PRKN: variants seen among roughly 807,000 people sequenced by gnomAD.
The protein encoded by PRKN is parkin RBR E3 ubiquitin protein ligase.
Under a neutral mutation model 59.5 loss-of-function variants are expected in PRKN, and 56 were observed. The observed-to-expected ratio is 0.94, with a 90% CI of 0.76 to 1.18. PRKN has a LOEUF of 1.18. Ranked by LOEUF, PRKN falls within the 50% of genes most tolerant of loss-of-function variation. The probability of loss-of-function intolerance (pLI) is 0.00; values close to 1 mark genes in which losing one functional copy is unlikely to be tolerated. For synonymous variants in PRKN, 250 were observed against 222.1 expected (o/e 1.13, Z -1.12); for missense variants, 657 against 596.4 (o/e 1.10, Z -1.06).
chr6:162,651,879 A>G (rs1393248152), intron 1 of PRKN, among the ~76,000 whole-genome samples: 7 of 152,210 alleles, frequency 4.6e-5, no homozygotes, highest in African/African-American at 1.4e-4. Context: ...ATTAATTGTT[A>G]TAAGTAGATA....
chr6:162,214,117 C>T (rs1000511545), intron 3 of PRKN, among the ~76,000 whole-genome samples: 3 of 152,074 alleles, frequency 2.0e-5, no homozygotes, highest in African/African-American at 4.8e-5. Context: ...CACACACGAA[C>T]ACCAAGGTGC....
intron 3 of PRKN, among the ~76,000 whole-genome samples, chr6:162,205,925 C>T (rs924168889): frequency 1.3e-5 from 2 of 152,158 alleles, no homozygotes; most frequent in Non-Finnish European, 2.9e-5. Flanking sequence ...AGAATAAAAA[C>T]CACTGGTGTG....
At chr6:162,568,942 A>T in intron 1 of PRKN, 1 of 666,368 alleles carries the variant, frequency 1.5e-6, no homozygotes, top group Non-Finnish European at 2.7e-6. Context: ...GTAGAGCTGT[A>T]GTCTCAGCTG....
At chr6:162,376,389 G>A (rs1477775711) in intron 2 of PRKN, among the ~76,000 whole-genome samples, 6 of 152,010 alleles carry the variant, frequency 3.9e-5, no homozygotes, top group Non-Finnish European at 7.4e-5. Context: ...GGATCCTTAT[G>A]TTTGTGGGGT....
intron 7 of PRKN, among the ~76,000 whole-genome samples, chr6:161,650,195 G>A (rs796760873): frequency 4.9e-4 from 75 of 152,268 alleles, no homozygotes; most frequent in African/African-American, 1.8e-3. Flanking sequence ...GAGTCCACGA[G>A]CATAATGCAA....
chr6:162,632,394 A>T (rs1001284542), intron 1 of PRKN, among the ~76,000 whole-genome samples: 2 of 152,226 alleles, frequency 1.3e-5, no homozygotes, highest in Non-Finnish European at 2.9e-5. Context: ...TCCTAAATGA[A>T]TTAATACAGG....
intron 2 of PRKN, among the ~76,000 whole-genome samples, chr6:162,431,333 A>AG (rs1430814560): frequency 6.6e-6 from 1 of 152,214 alleles, no homozygotes; most frequent in African/African-American, 2.4e-5. Flanking sequence ...AAACTTAAGG[A>AG]GGGGCCAATG....
chr6:162,076,135 A>C (rs1171370927), intron 4 of PRKN, among the ~76,000 whole-genome samples: 1 of 151,864 alleles, frequency 6.6e-6, no homozygotes, highest in Non-Finnish European at 1.5e-5. Context: ...CACCCAGCTA[A>C]TTTTTGTATT....
intron 4 of PRKN, among the ~76,000 whole-genome samples, chr6:162,055,726 C>T (rs940063989): frequency 2.0e-5 from 3 of 152,090 alleles, no homozygotes; most frequent in Non-Finnish European, 4.4e-5. Context: ...TTACTACCGA[C>T]GACGTTTGGA....
intron 2 of PRKN, among the ~76,000 whole-genome samples, chr6:162,272,223 G>A (rs898751212): frequency 5.3e-5 from 8 of 152,096 alleles, no homozygotes; most frequent in South Asian, 2.1e-4. Flanking sequence ...ATGTAGGGTC[G>A]GGATTTCACT....
rs187524160 is a variant in PRKN at position 162,622,991 on chromosome 6, A to G, written c.7+104671T>C. Among the ~76,000 whole-genome samples the G allele has an allele frequency of 2.0e-4, 31 of 152,332 alleles. No homozygotes were observed. The East Asian group carries it at 4.8e-3, about 24-fold the overall frequency. The stretch of plus-strand genomic sequence containing the variant: ...TCAGAGAAACAAAACAAAACAGAAA[A>G]CAAAAACAAACAAAAAAAACCTTTT... On this transcript the variant is annotated intron_variant, in intron 1 of 11. Coordinates refer to ENST00000366898, the MANE Select transcript of PRKN (RefSeq NM_004562.3).
At chr6:161,724,431 T>C (rs1231415568) in intron 7 of PRKN, among the ~76,000 whole-genome samples, 1 of 152,218 alleles carries the variant, frequency 6.6e-6, no homozygotes, top group Non-Finnish European at 1.5e-5. Flanking sequence ...CTTTCAGGAA[T>C]TGCTTCTCTC....
Position 162,360,605 on chromosome 6 carries a change from C to A in PRKN, c.171+82705G>T, listed in dbSNP as rs558930291. On this transcript the variant is annotated intron_variant, in intron 2 of 11. Transcript: ENST00000366898. ...GTTCTTTAAAAAACAAACAAAAAAA[C>A]CAAAAAACAAAAAACCTACAAACAC... Among the ~76,000 whole-genome samples the A allele has an allele frequency of 6.6e-5, 10 of 152,026 alleles. 1 individual carries two copies. Among genetic ancestry groups the A allele is most frequent in the South Asian group, 4.2e-4 (2 of 4,806 alleles).
At chr6:162,342,643 A>G (rs574123867) in intron 2 of PRKN, among the ~76,000 whole-genome samples, 30 of 152,248 alleles carry the variant, frequency 2.0e-4, no homozygotes, top group African/African-American at 7.0e-4. Context: ...TAGGGAGGGA[A>G]GAATCATTTA....
At chr6:162,634,009 C>A (rs1291207514) in intron 1 of PRKN, among the ~76,000 whole-genome samples, 2 of 152,128 alleles carry the variant, frequency 1.3e-5, no homozygotes, top group Admixed American at 6.6e-5. Context: ...ACCACACGGT[C>A]TTGTGTCAAC....
At chr6:161,596,813 G>C (rs1466616534) in intron 7 of PRKN, among the ~76,000 whole-genome samples, 1 of 152,156 alleles carries the variant, frequency 6.6e-6, no homozygotes, top group East Asian at 1.9e-4. Context: ...CTACACAATA[G>C]TTCTCTACCT....
Position 161,548,979 on chromosome 6 carries a change from C to T in PRKN, c.958G>A (p.Ala320Thr), listed in dbSNP as rs1583215602. 1 of 1,614,214 alleles carries T rather than the reference C, an allele frequency of 6.2e-7. No homozygotes were observed. Among genetic ancestry groups the T allele is most frequent in the Non-Finnish European group, 8.5e-7 (1 of 1,180,032 alleles). The stretch of plus-strand genomic sequence containing the variant: ...CCCATCTGCAGGACACACTCCTCTG[C>T]ACCATACTGCTGGTACCGGTTGTAC... ...EQYNRYQQYG[A>T]EECVLQMGGV... The change falls in exon 9 of 12, where the codon GCA becomes ACA. Residue 320 changes from alanine to threonine, a missense_variant. By Grantham distance (58) the Ala-to-Thr change is moderately conservative (BLOSUM62 0). Transcript: ENST00000366898. This position sits in a 1 kb window ranked among gnomAD's most constrained non-coding sequence, Gnocchi z 4.2.
At chr6:162,613,343 A>C (rs1782269735) in intron 1 of PRKN, among the ~76,000 whole-genome samples, 1 of 152,244 alleles carries the variant, frequency 6.6e-6, no homozygotes, top group Non-Finnish European at 1.5e-5. Context: ...TTTTAATTTA[A>C]GGGAATTTGT....
chr6:161,367,949 C>G (rs1785276025), intron 10 of PRKN, among the ~76,000 whole-genome samples: 1 of 152,146 alleles, frequency 6.6e-6, no homozygotes, highest in African/African-American at 2.4e-5. Context: ...GGCCGCCTGG[C>G]CTGCGAGCAG....
Sources: allele counts gnomAD v4.1 joint callset (sites outside exome capture counted in the v4.1 genomes callset), GRCh38; gene constraint gnomAD v4.1.1; non-coding constraint Gnocchi (gnomAD v3.1); transcripts MANE v1.5; gene names NCBI Gene and HGNC (gene_info 2026-07-23, HGNC 2026-07-21).